Variants in FHIT observed in about 807,000 individuals in gnomAD.
FHIT encodes the protein fragile histidine triad diadenosine triphosphatase, also known as bis(5'-adenosyl)-triphosphatase.
A neutral mutation model predicts 17.9 loss-of-function variants in FHIT; 19 were observed. The ratio of observed to expected loss-of-function variants is 1.06; its 90% CI spans 0.74 to 1.56. The LOEUF (loss-of-function observed/expected upper bound fraction) is 1.56, where lower values mean the gene tolerates loss of function less well. Ranked by LOEUF, FHIT falls within the 40% of genes most tolerant of loss-of-function variation. The pLI is 0.00. For synonymous variants in FHIT, 81 were observed against 69.7 expected, an observed-to-expected ratio of 1.16 and a Z score of -0.81; for missense variants, 248 against 189.2, an observed-to-expected ratio of 1.31 and a Z score of -1.82.
intron 5 of FHIT, among the ~76,000 whole-genome samples, chr3:60,063,604 G>T (rs1402753045): frequency 6.6e-6 from 1 of 152,146 alleles, no homozygotes; most frequent in African/African-American, 2.4e-5. Context: ...TAAAAGAAAG[G>T]AATGAAGAGA....
At chr3:60,306,954 T>A (rs2106736445) in intron 5 of FHIT, among the ~76,000 whole-genome samples, 1 of 152,300 alleles carries the variant, frequency 6.6e-6, no homozygotes, top group Non-Finnish European at 1.5e-5. Flanking sequence ...GCTGCACTTC[T>A]TTTATAATTA....
intron 5 of FHIT, among the ~76,000 whole-genome samples, chr3:60,389,341 G>A (rs1701135709): frequency 6.6e-6 from 1 of 152,130 alleles, no homozygotes; most frequent in Non-Finnish European, 1.5e-5. Flanking sequence ...AGGTAACGGT[G>A]CCTTTGAACA....
intron 3 of FHIT, among the ~76,000 whole-genome samples, chr3:61,025,731 T>C (rs907737511): frequency 3.9e-5 from 6 of 152,040 alleles, no homozygotes; most frequent in Non-Finnish European, 8.8e-5. Flanking sequence ...TCAGGTACTG[T>C]TTGTTAATAT....
chr3:60,949,207 C>T (rs1403899939), intron 3 of FHIT, among the ~76,000 whole-genome samples: 1 of 152,168 alleles, frequency 6.6e-6, no homozygotes, highest in Non-Finnish European at 1.5e-5. Context: ...CAGTAATCCC[C>T]CTACCAAATA....
At chr3:59,881,025 A>G (rs1843398) in intron 8 of FHIT, among the ~76,000 whole-genome samples, 5,219 of 152,014 alleles carry the variant, frequency 0.034, 280 homozygotes, top group African/African-American at 0.12. Context: ...AAGTGAAAGA[A>G]AAAAAAATAG....
chr3:60,524,724 T>C (rs1325449339), intron 5 of FHIT, among the ~76,000 whole-genome samples: 1 of 151,966 alleles, frequency 6.6e-6, no homozygotes, highest in Non-Finnish European at 1.5e-5. Flanking sequence ...CACTCCAGTC[T>C]GCCTTCACGA....
chr3:60,838,092 A>G (rs1575584675), intron 3 of FHIT, among the ~76,000 whole-genome samples: 1 of 152,066 alleles, frequency 6.6e-6, no homozygotes, highest in African/African-American at 2.4e-5. Flanking sequence ...CTTCTTTCCA[A>G]TTAGATAACT....
At chr3:60,060,589 A>G (rs1559593939) in intron 5 of FHIT, among the ~76,000 whole-genome samples, 1 of 152,246 alleles carries the variant, frequency 6.6e-6, no homozygotes, top group African/African-American at 2.4e-5. Context: ...CCTACTTTGA[A>G]TAAGTTACAT....
At chr3:60,382,209 T>C (rs1700827300) in intron 5 of FHIT, among the ~76,000 whole-genome samples, 1 of 152,194 alleles carries the variant, frequency 6.6e-6, no homozygotes, top group Non-Finnish European at 1.5e-5. Context: ...AAGTACAGTG[T>C]TTGGAATAGA....
intron 5 of FHIT, among the ~76,000 whole-genome samples, chr3:60,363,016 C>T (rs187952754): frequency 6.6e-5 from 10 of 152,128 alleles, no homozygotes; most frequent in East Asian, 1.9e-4. Context: ...AAAGGAAAGA[C>T]GCTGTTAAGT....
At chr3:59,870,872 T>C (rs918138022) in intron 8 of FHIT, among the ~76,000 whole-genome samples, 4 of 101,340 alleles carry the variant, frequency 3.9e-5, no homozygotes, top group African/African-American at 6.0e-5. Context: ...TGTGTGTGTG[T>C]GCGTGTGTGT....
intron 3 of FHIT, among the ~76,000 whole-genome samples, chr3:60,951,841 G>A (rs564674081): frequency 2.0e-4 from 30 of 152,170 alleles, no homozygotes; most frequent in African/African-American, 6.3e-4. Context: ...CCTAAATAAA[G>A]GGAAAGGTCT....
chr3:60,688,193 T>C (rs2040903020), intron 4 of FHIT, among the ~76,000 whole-genome samples: 1 of 152,168 alleles, frequency 6.6e-6, no homozygotes, highest in South Asian at 2.1e-4. Context: ...CATTTATATT[T>C]CCTCTTTTCA....
intron 8 of FHIT, among the ~76,000 whole-genome samples, chr3:59,832,559 C>T (rs977113943): frequency 1.3e-5 from 2 of 152,150 alleles, no homozygotes; most frequent in African/African-American, 2.4e-5. Flanking sequence ...GCATTTTTGT[C>T]CTCTGCATTG....
intron 4 of FHIT, among the ~76,000 whole-genome samples, chr3:60,722,042 T>C (rs1553708179): frequency 6.6e-6 from 1 of 152,110 alleles, no homozygotes; most frequent in Non-Finnish European, 1.5e-5. Context: ...AGGAAGGAAA[T>C]GAGGCTATAA....
intron 5 of FHIT, among the ~76,000 whole-genome samples, chr3:60,256,510 C>G (rs1315376406): frequency 6.6e-6 from 1 of 152,120 alleles, no homozygotes; most frequent in Non-Finnish European, 1.5e-5. Flanking sequence ...GAAGACAGAC[C>G]CTATGGTTAC....
At chr3:60,714,954 C>CA (rs2041642761) in intron 4 of FHIT, among the ~76,000 whole-genome samples, 1 of 151,990 alleles carries the variant, frequency 6.6e-6, no homozygotes, top group African/African-American at 2.4e-5. Flanking sequence ...CATATGGAAC[C>CA]AAAAAAGAGC....
chr3:60,931,986 A>C, intron 3 of FHIT, among the ~76,000 whole-genome samples: 1 of 152,186 alleles, frequency 6.6e-6, no homozygotes, highest in Admixed American at 6.5e-5. Flanking sequence ...CGGCTACCTC[A>C]CTAGGGTGTA....
chr3:61,069,687 C>T (rs901280543), intron 2 of FHIT, among the ~76,000 whole-genome samples: 46 of 152,320 alleles, frequency 3.0e-4, no homozygotes, highest in African/African-American at 9.9e-4. Context: ...CTTTCTTAAC[C>T]AGCATTGCGT....
Sources: allele counts gnomAD v4.1 joint callset (sites outside exome capture counted in the v4.1 genomes callset), GRCh38; gene constraint gnomAD v4.1.1; transcripts MANE v1.5; gene names NCBI Gene and HGNC (gene_info 2026-07-23, HGNC 2026-07-21).